UNC79: variants seen among roughly 807,000 people sequenced by gnomAD.
UNC79 encodes protein unc-79 homolog.
Under a neutral mutation model 283.1 loss-of-function variants are expected in UNC79, and 37 were observed. That is an observed-to-expected ratio of 0.13 (90% confidence interval 0.10 to 0.17). The LOEUF (loss-of-function observed/expected upper bound fraction) is 0.17. Ranked by LOEUF, UNC79 falls within the 10% of genes least tolerant of loss-of-function variation. The pLI, the probability that UNC79 is intolerant of heterozygous loss-of-function variation, is 1.00. For synonymous variants in UNC79, 1,107 were observed against 1,200.2 expected (o/e 0.92, Z 1.61); for missense variants, 2,272 against 3,211.1 (o/e 0.71, Z 7.07).
intron 10 of UNC79, among the ~76,000 whole-genome samples, chr14:93,530,881 C>T (rs556019240): frequency 7.9e-4 from 121 of 152,292 alleles, no homozygotes; most frequent in Non-Finnish European, 1.2e-3. Context: ...TGCACTCCAG[C>T]CTGGGCAACA....
chr14:93,354,683 G>A (rs552518142), intron 1 of UNC79, among the ~76,000 whole-genome samples: 3 of 151,902 alleles, frequency 2.0e-5, no homozygotes, highest in Middle Eastern at 3.4e-3. Context: ...CTTTTTTTTT[G>A]TAGGGACGGG....
chr14:93,674,561 C>T (rs1457376152), intron 41 of UNC79, among the ~76,000 whole-genome samples: 2 of 152,188 alleles, frequency 1.3e-5, no homozygotes, highest in Non-Finnish European at 2.9e-5. Context: ...GCCATTGCAT[C>T]ACAGCTGTGT....
intron 1 of UNC79, among the ~76,000 whole-genome samples, chr14:93,361,793 A>G (rs900585145): frequency 1.3e-5 from 2 of 152,132 alleles, no homozygotes; most frequent in Non-Finnish European, 2.9e-5. Context: ...GAATGCTTCA[A>G]GCTTTTACAC....
chr14:93,688,231 G>T lies in UNC79; in HGVS notation c.6910-434G>T, dbSNP rs2074400444. ...TAGTGAACATTTCACACAAACTACAGTAAAAATGTGTCTCTCACAATTGCT... is the reference window on the plus strand; with the variant it reads ...TAGTGAACATTTCACACAAACTACATTAAAAATGTGTCTCTCACAATTGCT... On this transcript the variant is annotated intron_variant, in intron 43 of 48. Coordinates refer to ENST00000555664, the Ensembl canonical transcript of UNC79. This position sits in a 1 kb window ranked among gnomAD's most constrained non-coding sequence, Gnocchi z 4.0. Among the ~76,000 whole-genome samples the T allele has an allele frequency of 6.6e-6, 1 of 152,164 alleles. No individual in the cohort carries two copies. Among genetic ancestry groups the T allele is most frequent in the African/African-American group, 2.4e-5 (1 of 41,440 alleles).
intron 1 of UNC79, among the ~76,000 whole-genome samples, chr14:93,381,169 A>G (rs947700137): frequency 2.6e-5 from 4 of 152,228 alleles, no homozygotes; most frequent in Non-Finnish European, 5.9e-5. Flanking sequence ...GAGATGGAAG[A>G]TCATGAAGCA....
At chr14:93,444,804 C>T (rs747768988) in intron 1 of UNC79, among the ~76,000 whole-genome samples, 7 of 152,090 alleles carry the variant, frequency 4.6e-5, no homozygotes, top group Non-Finnish European at 8.8e-5. Context: ...AGTCTTCCAA[C>T]TTTGTTCTTA....
intron 1 of UNC79, chr14:93,347,889 A>G (rs2053896330): frequency 1.7e-6 from 1 of 579,922 alleles, no homozygotes; most frequent in Non-Finnish European, 3.1e-6. Context: ...GATTTTCAGC[A>G]TTTTAGATTT....
At chr14:93,546,010 C>T (rs186216435) in intron 14 of UNC79, among the ~76,000 whole-genome samples, 2 of 152,086 alleles carry the variant, frequency 1.3e-5, no homozygotes, top group East Asian at 1.9e-4. Context: ...ATTATGGGTG[C>T]GGACACAGGA....
At chr14:93,499,623 A>G (rs1567009509) in intron 7 of UNC79, among the ~76,000 whole-genome samples, 1 of 152,198 alleles carries the variant, frequency 6.6e-6, no homozygotes, top group Non-Finnish European at 1.5e-5. Flanking sequence ...CAGTAAAGAA[A>G]ACATGAAAAT....
At position 93,498,615 on chromosome 14, in the gene UNC79, C is replaced by T. The variant is rs115615422; in HGVS notation, c.898+1329C>T. On this transcript the variant is annotated intron_variant, in intron 7 of 48. Coordinates refer to ENST00000555664, the Ensembl canonical transcript of UNC79. ...CAAAAAACAAACAAAAAAATGACCC[C>T]GATAGCCTGGTTGCTCAGCCATTCA... is the stretch of plus-strand genomic sequence containing the variant. Among the ~76,000 whole-genome samples, 710 of 151,904 alleles carry T rather than the reference C, an allele frequency of 4.7e-3. 3 individuals carry two copies. Among genetic ancestry groups the T allele is most frequent in the African/African-American group, 0.016 (668 of 41,454 alleles).
upstream of UNC79, among the ~76,000 whole-genome samples, chr14:93,425,600 G>A (rs545271154): frequency 6.6e-6 from 1 of 152,246 alleles, no homozygotes; most frequent in Admixed American, 6.5e-5. Flanking sequence ...GTTGATTTAT[G>A]ATCAAGTTGG....
At chr14:93,525,971 A>G (rs886365740) in intron 8 of UNC79, among the ~76,000 whole-genome samples, 2 of 152,156 alleles carry the variant, frequency 1.3e-5, no homozygotes, top group African/African-American at 4.8e-5. Context: ...AGGTCAAACC[A>G]TCCACTTTCT....
At chr14:93,522,979 G>A (rs2060391370) in intron 7 of UNC79, among the ~76,000 whole-genome samples, 1 of 152,054 alleles carries the variant, frequency 6.6e-6, no homozygotes, top group South Asian at 2.1e-4. Flanking sequence ...ATATATTTTT[G>A]AATTATAATT....
intron 46 of UNC79, among the ~76,000 whole-genome samples, chr14:93,693,841 A>G (rs2074890061): frequency 6.6e-6 from 1 of 152,228 alleles, no homozygotes; most frequent in African/African-American, 2.4e-5. Context: ...CTGACTTTGT[A>G]TCTGGTGCTT....
intron 7 of UNC79, among the ~76,000 whole-genome samples, chr14:93,517,474 T>A (rs2060124415): frequency 9.6e-6 from 1 of 104,066 alleles, no homozygotes; most frequent in Non-Finnish European, 2.1e-5. Context: ...TTTCATAGAT[T>A]TTTTTTTTTT....
intron 30 of UNC79, among the ~76,000 whole-genome samples, chr14:93,624,748 C>A (rs2067425428): frequency 6.6e-6 from 1 of 152,192 alleles, no homozygotes; most frequent in South Asian, 2.1e-4. Flanking sequence ...GATCTGATCT[C>A]TTCTGCCCCT....
At chr14:93,597,642 C>G in intron 24 of UNC79, 102 bp downstream of exon 24, 1 of 1,257,780 alleles carries the variant, frequency 8.0e-7, no homozygotes, top group Non-Finnish European at 1.1e-6. Flanking sequence ...CCTGCTATAA[C>G]AGAATACCAT....
At chr14:93,577,162 T>C (rs1458379355) in intron 17 of UNC79, among the ~76,000 whole-genome samples, 1 of 152,112 alleles carries the variant, frequency 6.6e-6, no homozygotes, top group African/African-American at 2.4e-5. Context: ...ATCATGCCAC[T>C]GCACTCCAGC....
chr14:93,517,128 T>G (rs1289925682), intron 7 of UNC79, among the ~76,000 whole-genome samples: 1 of 145,912 alleles, frequency 6.9e-6, no homozygotes, highest in Non-Finnish European at 1.6e-5. Context: ...ATAATTTTTT[T>G]TCTTTTCTTT....
Sources: gnomAD v4.1 joint callset for allele counts (sites outside exome capture counted in the v4.1 genomes callset) on GRCh38, gnomAD v4.1.1 for gene constraint, Gnocchi (gnomAD v3.1) non-coding constraint, MANE v1.5 for transcripts, NCBI Gene and HGNC (gene_info 2026-07-23, HGNC 2026-07-21) for gene names.